MCM8: variants seen among roughly 807,000 people sequenced by gnomAD.
MCM8 encodes the protein minichromosome maintenance 8 homologous recombination repair factor.
A neutral mutation model predicts 98.9 loss-of-function variants in MCM8; 85 were observed. That is an observed-to-expected ratio of 0.86 (90% CI 0.72 to 1.03). The LOEUF (loss-of-function observed/expected upper bound fraction) is 1.03. Among genes scored for constraint, MCM8 ranks in the 50% least tolerant of loss-of-function variants. The probability of loss-of-function intolerance (pLI) is 0.00; values close to 1 mark genes in which losing one functional copy is unlikely to be tolerated. For synonymous variants in MCM8, 352 were observed against 338.6 expected, an observed-to-expected ratio of 1.04 and a Z score of -0.44; for missense variants, 951 against 997.8, an observed-to-expected ratio of 0.95 and a Z score of 0.63.
intron 13 of MCM8, among the ~76,000 whole-genome samples, chr20:5,979,059 C>T (rs551223823): frequency 6.6e-6 from 1 of 152,296 alleles, no homozygotes; most frequent in South Asian, 2.1e-4. Flanking sequence ...ATGTGTCAGG[C>T]AGTGTCCAGA....
intron 6 of MCM8, among the ~76,000 whole-genome samples, chr20:5,958,176 C>T (rs1289267490): frequency 6.6e-6 from 1 of 152,180 alleles, no homozygotes; most frequent in African/African-American, 2.4e-5. Flanking sequence ...CGAGACCATC[C>T]TGGCCAACAT....
chr20:5,983,147 C>T lies in MCM8; in HGVS notation c.1715C>T (p.Thr572Ile), dbSNP rs1395194159. 1 of 1,611,578 alleles carries T rather than the reference C, an allele frequency of 6.2e-7. No individual in the cohort carries two copies. Among genetic ancestry groups the T allele is most frequent in the Non-Finnish European group, 8.5e-7 (1 of 1,179,114 alleles). Residue 572 changes from threonine (T) to isoleucine (I), a missense_variant, in exon 14 of 19, where the codon ACA becomes ATA. By Grantham distance (89) the Thr-to-Ile change is moderately conservative. Coordinates refer to ENST00000610722, the MANE Select transcript of MCM8 (RefSeq NM_032485.6). The part of the protein sequence containing the change: ...PVGGHYNKAK[T>I]VSENLKMGSA... ...GGAGGACATTACAATAAAGCCAAAA[C>T]AGTTTCTGAGAATTTAAAGTAAGTC...
intron 13 of MCM8, among the ~76,000 whole-genome samples, chr20:5,981,072 A>G (rs2089619569): frequency 6.6e-6 from 1 of 152,202 alleles, no homozygotes; most frequent in Admixed American, 6.5e-5. Context: ...AAGGTTGTGC[A>G]TGGCCTGTGA....
At chr20:5,958,462 A>G (rs924153338) in intron 6 of MCM8, 66 bp from the exon 7 acceptor site, 6 of 1,285,586 alleles carry the variant, frequency 4.7e-6, no homozygotes, top group African/African-American at 3.0e-5. Flanking sequence ...AGTTGCTCCT[A>G]AAAGGAACTT....
intron 9 of MCM8, 49 bp downstream of exon 9, chr20:5,967,636 A>T: frequency 6.4e-7 from 1 of 1,557,400 alleles, no homozygotes. Context: ...TGATTCATCA[A>T]CGTTCATCTT....
At chr20:5,992,369 C>T (rs1021316192) in intron 17 of MCM8, among the ~76,000 whole-genome samples, 1 of 152,010 alleles carries the variant, frequency 6.6e-6, no homozygotes, top group Non-Finnish European at 1.5e-5. Context: ...TTTTTTCATC[C>T]GTAAAATGGG....
chr20:5,977,908 T>C lies in MCM8; in HGVS notation c.1428T>C (p.Tyr476=). The C allele has an allele frequency of 2.5e-6, 4 of 1,614,228 alleles. No homozygotes were observed. Among genetic ancestry groups the C allele is most frequent in the Non-Finnish European group, 3.4e-6 (4 of 1,180,030 alleles). ...GCAATGTTGCCCCACGTGGCGTGTA[T>C]GTTTGTGGTAACACCACGACCACCT... The part of the protein sequence containing the change: ...AACNVAPRGV[Y]VCGNTTTTSG... Residue 476 remains tyrosine (Y), a synonymous_variant, in exon 13 of 19, where the codon TAT becomes TAC. Coordinates refer to ENST00000610722, the MANE Select transcript of MCM8 (RefSeq NM_032485.6).
At position 5,994,408 on chromosome 20, in the gene MCM8, T is replaced by A; in HGVS notation, c.*17T>A. The A allele has an allele frequency of 6.5e-7, 1 of 1,537,242 alleles. No homozygotes were observed. Among genetic ancestry groups the A allele is most frequent in the Non-Finnish European group, 8.9e-7 (1 of 1,128,364 alleles). ...ACTATGTAAAAGGACTTCACCAAGT[T>A]AGGGCCTCCTGGGTTTATTGCAGAT... is the stretch of plus-strand genomic sequence containing the variant. On this transcript the variant is annotated 3_prime_UTR_variant, in exon 19 of 19. Transcript: ENST00000610722.
chr20:5,967,470 G>T lies in MCM8; in HGVS notation c.910G>T (p.Ala304Ser), dbSNP rs1210449828. 6.2e-7 allele frequency: 1 copy of T among 1,613,996 alleles called. No individual in the cohort carries two copies. The highest frequency in any genetic ancestry group is 2.2e-5 in the East Asian group (1 of 44,862). ...ATTGATGTCTGATGATCAGAGAGAA[G>T]CAGGTCGGATTCCACGAACAATAGA... ...QELMSDDQREAGRIPRTIECE... is the reference protein window; with the variant it reads ...QELMSDDQRESGRIPRTIECE... Residue 304 changes from alanine to serine, a missense_variant, in exon 9 of 19, where the codon GCA becomes TCA. Coordinates refer to ENST00000610722, the MANE Select transcript of MCM8 (RefSeq NM_032485.6).
At chr20:5,968,061 A>G in intron 10 of MCM8, 36 bp downstream of exon 10, 2 of 1,561,116 alleles carry the variant, frequency 1.3e-6, no homozygotes, top group Non-Finnish European at 1.7e-6. Context: ...TATTACATAG[A>G]TGCATGTTGG....
At position 5,993,707 on chromosome 20, in the gene MCM8, T is replaced by C. The variant is rs749503799; in HGVS notation, c.2430+12T>C. 3.9e-6 allele frequency: 6 copies of C among 1,557,898 alleles called. No individual in the cohort carries two copies. Among genetic ancestry groups the C allele is most frequent in the Non-Finnish European group, 5.2e-6 (6 of 1,145,146 alleles). ...AACTAAACATTCAGGTATGTTAAAC[T>C]AGTTAATCTCTTTTGTAATAATTTC... On this transcript the variant is annotated intron_variant, in intron 18 of 18. Coordinates refer to ENST00000610722, the MANE Select transcript of MCM8 (RefSeq NM_032485.6).
intron 14 of MCM8, 52 bp downstream of exon 14, chr20:5,983,217 A>G (rs2089664796): frequency 7.0e-7 from 1 of 1,429,188 alleles, no homozygotes; most frequent in Non-Finnish European, 9.5e-7. Context: ...ACTTTAATTC[A>G]ATAAGAAAAA....
intron 8 of MCM8, among the ~76,000 whole-genome samples, chr20:5,966,249 C>T (rs1392213870): frequency 6.6e-6 from 1 of 152,036 alleles, no homozygotes; most frequent in Admixed American, 6.6e-5. Flanking sequence ...TGTCTCTATC[C>T]TGCTTGATTG....
chr20:5,994,689 A>G lies in MCM8; in HGVS notation c.*298A>G, dbSNP rs1397916909. ...TGAGGTGAGAGGATTCCTTGAGGCC[A>G]GGGTTCGAGACCAACCTTGGGCAAC... On this transcript the variant is annotated 3_prime_UTR_variant, in exon 19 of 19. Transcript: ENST00000610722. 2.1e-6 allele frequency: 1 copy of G among 472,912 alleles called. No individual in the cohort carries two copies. Among genetic ancestry groups the G allele is most frequent in the African/African-American group, 2.0e-5 (1 of 50,284 alleles). 29.3% of individuals were successfully genotyped at this position (472,912 alleles called of 1,614,324 possible). A position where few individuals can be genotyped will look rare whatever the true frequency, so the allele number is the denominator to read the frequency against.
Position 5,998,073 on chromosome 20 carries a change from TATA to T in MCM8, c.*3683_*3685del, listed in dbSNP as rs1427453896. 1 of 152,218 alleles carries T rather than the reference TATA, an allele frequency of 6.6e-6. No homozygotes were observed. 9.4% of individuals were successfully genotyped at this position (152,218 alleles called of 1,614,324 possible). A position where few individuals can be genotyped will look rare whatever the true frequency, so the allele number is the denominator to read the frequency against. ...AAATATCGTACTTACATTAGCATGT[TATA>T]GTTGCTGTTGTTATACAGAAGAATA... On this transcript the variant is annotated 3_prime_UTR_variant, in exon 19 of 19. Coordinates refer to ENST00000610722, the MANE Select transcript of MCM8 (RefSeq NM_032485.6).
At chr20:5,951,646 T>G (rs760203047) in intron 1 of MCM8, among the ~76,000 whole-genome samples, 3 of 152,208 alleles carry the variant, frequency 2.0e-5, no homozygotes, top group Non-Finnish European at 4.4e-5. Context: ...TGCCCTATAA[T>G]AAGAAGTCTC....
chr20:5,951,388 T>G (rs1797081313), intron 1 of MCM8, among the ~76,000 whole-genome samples: 1 of 152,214 alleles, frequency 6.6e-6, no homozygotes, highest in Non-Finnish European at 1.5e-5. Flanking sequence ...CTAAACCCCT[T>G]TTAAGTAAGG....
At position 5,975,176 on chromosome 20, in the gene MCM8, T is replaced by C. The variant is rs556764712; in HGVS notation, c.1395+1980T>C. On this transcript the variant is annotated intron_variant, in intron 12 of 18. Coordinates refer to ENST00000610722, the MANE Select transcript of MCM8 (RefSeq NM_032485.6). ...CCGGAGGCTGCAGCAGGATGATTGC[T>C]TGAGCCTAGAAGTTGGAGAATGCAG... Among the ~76,000 whole-genome samples the C allele has an allele frequency of 2.0e-5, 3 of 152,200 alleles. No homozygotes were observed. In the South Asian group the frequency reaches 6.2e-4, roughly 32 times the overall value.
chr20:5,956,501 T>C (rs527903931), intron 5 of MCM8, among the ~76,000 whole-genome samples: 3 of 152,208 alleles, frequency 2.0e-5, no homozygotes, highest in African/African-American at 7.2e-5. Context: ...TCTTGCCTCA[T>C]TGCAGCCTCA....
Sources: gnomAD v4.1 joint callset for allele counts (sites outside exome capture counted in the v4.1 genomes callset) on GRCh38, gnomAD v4.1.1 for gene constraint, MANE v1.5 for transcripts, NCBI Gene and HGNC (gene_info 2026-07-23, HGNC 2026-07-21) for gene names.